DEK: variants seen among roughly 807,000 people sequenced by gnomAD.
DEK encodes DEK proto-oncogene.
Under a neutral mutation model 46.8 loss-of-function variants are expected in DEK, and 28 were observed. The observed-to-expected ratio is 0.60, with a 90% CI of 0.44 to 0.82. DEK has a LOEUF of 0.82. Among genes scored for constraint, DEK ranks in the 40% least tolerant of loss-of-function variants. The probability of loss-of-function intolerance (pLI) is 0.00; values close to 1 mark genes in which losing one functional copy is unlikely to be tolerated. For missense variants in DEK, 416 were observed against 430.6 expected (o/e 0.97, Z 0.30); for synonymous variants, 160 against 144.5 (o/e 1.11, Z -0.77).
At position 18,263,968 on chromosome 6, in the gene DEK, G is replaced by A. The variant is rs764983042; in HGVS notation, c.20C>T (p.Ala7Val). ...GGTGGGGGTTCCCTCCCCCTCCGCA[G>A]CAGGGGCCGAGGCGGACATGCTGTG... is the stretch of plus-strand genomic sequence containing the variant. MSASAP[A>V]AEGEGTPTQP... Residue 7 changes from alanine (A) to valine (V), a missense_variant, in exon 2 of 11, where the codon GCT becomes GTT. Coordinates refer to ENST00000652689, the MANE Select transcript of DEK (RefSeq NM_003472.4). The A allele has an allele frequency of 2.5e-6, 4 of 1,611,788 alleles. No individual in the cohort carries two copies. The highest frequency in any genetic ancestry group is 3.4e-6 in the Non-Finnish European group (4 of 1,179,166).
chr6:18,251,179 G>A (rs1791360187), intron 6 of DEK, among the ~76,000 whole-genome samples: 1 of 152,154 alleles, frequency 6.6e-6, no homozygotes, highest in Admixed American at 6.5e-5. Context: ...TTATTTCTGG[G>A]ATTGAGCATC....
At chr6:18,247,006 C>T (rs890130626) in intron 7 of DEK, among the ~76,000 whole-genome samples, 4 of 152,194 alleles carry the variant, frequency 2.6e-5, no homozygotes, top group Non-Finnish European at 5.9e-5. Flanking sequence ...TAACTTGCAA[C>T]TTTTCTTTAT....
rs758325565 is a variant in DEK, at chr6:18,263,937, G to A, written c.51C>T (p.Pro17=). Residue 17 remains proline, a synonymous_variant, in exon 2 of 11, where the codon CCC becomes CCT. Transcript: ENST00000652689. Reference sequence around the variant, plus strand: ...GCATTTCGGGTTCTTTCTCGGACGCGGGCTGGGTGGGGGTTCCCTCCCCCT... The same window carrying A: ...GCATTTCGGGTTCTTTCTCGGACGCAGGCTGGGTGGGGGTTCCCTCCCCCT... ...AAEGEGTPTQ[P]ASEKEPEMPG... is the part of the protein sequence containing the mutation. 1 of 1,613,372 alleles carries A rather than the reference G, an allele frequency of 6.2e-7. No homozygotes were observed. Among genetic ancestry groups the A allele is most frequent in the African/African-American group, 1.3e-5 (1 of 74,964 alleles).
At chr6:18,254,861 A>C (rs1037278712) in intron 6 of DEK, among the ~76,000 whole-genome samples, 8 of 152,208 alleles carry the variant, frequency 5.3e-5, no homozygotes, top group African/African-American at 1.7e-4. Context: ...TGTATAACAA[A>C]AGTTTACACT....
rs372245813 is a variant in DEK, at chr6:18,225,694, C to T, written c.*25G>A. The T allele has an allele frequency of 2.4e-5, 39 of 1,610,332 alleles. No individual in the cohort carries two copies. The highest frequency in any genetic ancestry group is 1.3e-4 in the East Asian group (6 of 44,700). On this transcript the variant is annotated 3_prime_UTR_variant, in exon 11 of 11. Coordinates refer to ENST00000652689, the MANE Select transcript of DEK (RefSeq NM_003472.4). ...AATCAGATCTTCAAATCTATGGGAACGAGTCATCTTCTCTGTCCTCTATCT... is the reference window on the plus strand; with the variant it reads ...AATCAGATCTTCAAATCTATGGGAATGAGTCATCTTCTCTGTCCTCTATCT...
At chr6:18,239,078 C>T (rs1423348037) in intron 7 of DEK, among the ~76,000 whole-genome samples, 2 of 152,134 alleles carry the variant, frequency 1.3e-5, no homozygotes, top group Non-Finnish European at 2.9e-5. Context: ...GCATGCGCCA[C>T]CACACCCGGC....
chr6:18,245,202 T>TCC (rs1196898142), intron 7 of DEK, among the ~76,000 whole-genome samples: 1 of 152,216 alleles, frequency 6.6e-6, no homozygotes, highest in Non-Finnish European at 1.5e-5. Context: ...CTTTTGCTCT[T>TCC]CCTTATCTGG....
intron 7 of DEK, among the ~76,000 whole-genome samples, chr6:18,241,463 T>C (rs1419979404): frequency 6.6e-6 from 1 of 152,232 alleles, no homozygotes; most frequent in Non-Finnish European, 1.5e-5. Flanking sequence ...TCTTTCACAA[T>C]ACCATCAATT....
chr6:18,246,206 CTGTT>C (rs370694226), intron 7 of DEK, among the ~76,000 whole-genome samples: 146 of 152,296 alleles, frequency 9.6e-4, no homozygotes, highest in African/African-American at 3.1e-3. Flanking sequence ...AGAAAATAAC[CTGTT>C]TATTTTCCTA....
rs1790658957 is a variant in DEK, at chr6:18,236,605, A to C, written c.899-5T>G. 1 of 1,449,966 alleles carries C rather than the reference A, an allele frequency of 6.9e-7. No homozygotes were observed. The highest frequency in any genetic ancestry group is 9.2e-7 in the Non-Finnish European group (1 of 1,092,404). The allele number at this position is 1,449,966 out of a possible 1,614,324, so 89.8% of individuals were successfully genotyped here. A position where few individuals can be genotyped will look rare whatever the true frequency, so the allele number is the denominator to read the frequency against. ...AACTATCCTCAGACTCACTTTCTAA[A>C]AGTAATATAATAATAATAATTTTTC... On this transcript the variant is annotated splice_region_variant and splice_polypyrimidine_tract_variant and intron_variant, in intron 8 of 10. Coordinates refer to ENST00000652689, the MANE Select transcript of DEK (RefSeq NM_003472.4).
rs561522426 is a variant in DEK at position 18,225,386 on chromosome 6, C to T, written c.*333G>A. ...TTTGTTCTACTTGATTAAAAGTATG[C>T]CTTAAGCAAGCTAATATTAAGTGCA... On this transcript the variant is annotated 3_prime_UTR_variant, in exon 11 of 11. Transcript: ENST00000652689. The T allele has an allele frequency of 2.0e-4, 57 of 286,552 alleles. No homozygotes were observed. Among genetic ancestry groups the T allele is most frequent in the Non-Finnish European group, 3.3e-4 (50 of 153,370 alleles). 17.8% of individuals were successfully genotyped at this position (286,552 alleles called of 1,614,324 possible).
intron 9 of DEK, among the ~76,000 whole-genome samples, chr6:18,233,262 A>G (rs998209583): frequency 6.6e-6 from 1 of 152,208 alleles, no homozygotes; most frequent in Non-Finnish European, 1.5e-5. Context: ...AAGAAAACCT[A>G]GGCAATACCA....
At position 18,257,990 on chromosome 6, in the gene DEK, C is replaced by G. The variant is rs1196929608; in HGVS notation, c.320G>C (p.Arg107Thr). Residue 107 changes from arginine (R) to threonine (T), a missense_variant, in exon 4 of 11, where the codon AGA becomes ACA. Coordinates refer to ENST00000652689, the MANE Select transcript of DEK (RefSeq NM_003472.4). ...GTTGTAAAGCAGTTTGTGTAGATTT[C>G]TAAGTTCATCGGTTTTCTTCTTACT... The part of the protein sequence containing the change: ...FLSKKKTDEL[R>T]NLHKLLYNRP... The G allele has an allele frequency of 6.2e-7, 1 of 1,611,806 alleles. No individual in the cohort carries two copies. The highest frequency in any genetic ancestry group is 8.5e-7 in the Non-Finnish European group (1 of 1,179,286).
intron 9 of DEK, 97 bp downstream of exon 9, chr6:18,236,355 A>G (rs1440920977): frequency 9.8e-6 from 13 of 1,327,142 alleles, no homozygotes; most frequent in African/African-American, 3.0e-5. Flanking sequence ...TCTTTCTTCA[A>G]TAAGTGAATG....
chr6:18,256,310 A>G lies in DEK; in HGVS notation c.452+51T>C, dbSNP rs189724478. The G allele has an allele frequency of 2.4e-5, 36 of 1,484,534 alleles. No individual in the cohort carries two copies. In the African/African-American group the frequency reaches 4.2e-4, roughly 17 times the overall value. The allele number at this position is 1,484,534 out of a possible 1,614,324, so 92.0% of individuals were successfully genotyped here. ...CCCGAATGTGATTTAACATTAAAAAATAAACTTAAAGCATATTGATCAAAA... is the reference window on the plus strand; with the variant it reads ...CCCGAATGTGATTTAACATTAAAAAGTAAACTTAAAGCATATTGATCAAAA... On this transcript the variant is annotated intron_variant, in intron 5 of 10. Transcript: ENST00000652689.
intron 7 of DEK, among the ~76,000 whole-genome samples, chr6:18,243,569 T>C (rs913893843): frequency 6.6e-6 from 1 of 152,310 alleles, no homozygotes; most frequent in African/African-American, 2.4e-5. Context: ...TTCCTTATCT[T>C]TGTTCACACG....
chr6:18,264,284 T>A (rs1219022210), intron 1 of DEK, 101 bp downstream of exon 1: 3 of 182,988 alleles, frequency 1.6e-5, no homozygotes, highest in African/African-American at 2.4e-5. Flanking sequence ...GCCCTCCACG[T>A]CCCCTCCCCC....
chr6:18,253,832 C>T (rs182866341), intron 6 of DEK, among the ~76,000 whole-genome samples: 126 of 152,106 alleles, frequency 8.3e-4, no homozygotes, highest in African/African-American at 3.0e-3. Context: ...TCCACCTCAG[C>T]CTCCCAAGTG....
At chr6:18,255,654 G>A in intron 6 of DEK, 77 bp downstream of exon 6, 5 of 1,497,988 alleles carry the variant, frequency 3.3e-6, no homozygotes, top group Non-Finnish European at 4.5e-6. Flanking sequence ...CAGCAATGCT[G>A]TTATTAATCA....
Sources: allele counts gnomAD v4.1 joint callset (sites outside exome capture counted in the v4.1 genomes callset), GRCh38; gene constraint gnomAD v4.1.1; transcripts MANE v1.5; gene names NCBI Gene and HGNC (gene_info 2026-07-23, HGNC 2026-07-21).